Variants in USH2A observed in about 807,000 individuals in gnomAD.
The protein encoded by USH2A is Usher syndrome 2A (autosomal recessive, mild).
Under a neutral mutation model 538.9 loss-of-function variants are expected in USH2A, and 443 were observed. The observed-to-expected ratio is 0.82, with a 90% CI of 0.76 to 0.89. The LOEUF (loss-of-function observed/expected upper bound fraction) is 0.89, where lower values mean the gene tolerates loss of function less well. Among genes scored for constraint, USH2A ranks in the 40% least tolerant of loss-of-function variants. The pLI, the probability that USH2A is intolerant of heterozygous loss-of-function variation, is 0.00. For synonymous variants in USH2A, 2,413 were observed against 2,273.5 expected (o/e 1.06, Z -1.75); for missense variants, 6,633 against 6,324.8 (o/e 1.05, Z -1.65).
At chr1:215,804,062 G>A (rs1662419028) in intron 49 of USH2A, among the ~76,000 whole-genome samples, 1 of 152,130 alleles carries the variant, frequency 6.6e-6, no homozygotes. Flanking sequence ...AAATGGTGCT[G>A]GGAAAACTGG....
At chr1:216,086,011 G>T (rs1359885032) in intron 24 of USH2A, among the ~76,000 whole-genome samples, 4 of 151,992 alleles carry the variant, frequency 2.6e-5, no homozygotes, top group Non-Finnish European at 5.9e-5. Context: ...GGAGAGACTT[G>T]GGAGGCACCC....
At position 216,046,547 on chromosome 1, in the gene USH2A, G is replaced by T. The variant is rs1343610726; in HGVS notation, c.6209C>A (p.Ser2070Tyr). ...QPPVAKSLPS[S>Y]LLLSWNPPKK... ...GGGTGGGTTCCAGGAGAGCAGCAAA[G>T]AACTGGGAAGGGATTTGGCTACTGG... The change falls in exon 32 of 72, where the codon TCT (serine) becomes TAT (tyrosine). Residue 2070 changes from serine to tyrosine, a missense_variant. By Grantham distance (144) the Ser-to-Tyr change is moderately radical. Coordinates refer to ENST00000307340, the MANE Select transcript of USH2A (RefSeq NM_206933.4). 1 of 1,613,862 alleles carries T rather than the reference G, an allele frequency of 6.2e-7. No homozygotes were observed. The highest frequency in any genetic ancestry group is 8.5e-7 in the Non-Finnish European group (1 of 1,179,802).
At chr1:216,070,625 T>C (rs1393723843) in intron 29 of USH2A, among the ~76,000 whole-genome samples, 3 of 152,066 alleles carry the variant, frequency 2.0e-5, no homozygotes, top group Non-Finnish European at 2.9e-5. Flanking sequence ...GTTCAAGCAA[T>C]ATAATGATGT....
Position 215,846,007 on chromosome 1 carries a change from C to G in USH2A, c.8872G>C (p.Glu2958Gln). 6.4e-7 allele frequency: 1 copy of G among 1,568,390 alleles called. No homozygotes were observed. Among genetic ancestry groups the G allele is most frequent in the Non-Finnish European group, 8.7e-7 (1 of 1,150,018 alleles). Residue 2958 changes from glutamate (E) to glutamine (Q), a missense_variant, in exon 45 of 72, where the codon GAA (glutamate) becomes CAA (glutamine). Transcript: ENST00000307340. The part of the protein sequence containing the change: ...PTVQDLQGEV[E>Q]YYTLFWSSAT... ...GAACTCCAAAAAAGTGTGTAATATT[C>G]AACTTCACCTTGTAGGTCTTGAACA... is the stretch of plus-strand genomic sequence containing the variant.
At chr1:216,379,597 T>C (rs1300965713) in intron 3 of USH2A, among the ~76,000 whole-genome samples, 2 of 152,308 alleles carry the variant, frequency 1.3e-5, no homozygotes, top group East Asian at 3.9e-4. Flanking sequence ...AGTGTCTAAG[T>C]CATTTATACC....
At chr1:215,796,152 G>T (rs1662128092) in intron 50 of USH2A, among the ~76,000 whole-genome samples, 1 of 152,122 alleles carries the variant, frequency 6.6e-6, no homozygotes. Flanking sequence ...CATCTGAAAA[G>T]CTCTGCTGTA....
intron 44 of USH2A, among the ~76,000 whole-genome samples, chr1:215,857,803 T>G (rs2102431803): frequency 6.7e-6 from 1 of 148,300 alleles, no homozygotes; most frequent in South Asian, 2.2e-4. Context: ...ATCAGGTGGT[T>G]GGTTGATATC....
chr1:216,152,119 T>G (rs2033849267), intron 21 of USH2A, among the ~76,000 whole-genome samples: 2 of 152,010 alleles, frequency 1.3e-5, no homozygotes, highest in African/African-American at 4.8e-5. Flanking sequence ...CATCGTCCAT[T>G]CTCTCTCCAT....
chr1:215,967,905 C>T (rs984339933), intron 36 of USH2A, among the ~76,000 whole-genome samples: 4 of 152,038 alleles, frequency 2.6e-5, no homozygotes, highest in Non-Finnish European at 2.9e-5. Flanking sequence ...CCTTAAGAGT[C>T]CCTGGAGAAT....
intron 38 of USH2A, among the ~76,000 whole-genome samples, chr1:215,916,042 T>TG (rs1665944251): frequency 1.6e-5 from 1 of 63,250 alleles, no homozygotes; most frequent in Admixed American, 2.5e-4. Context: ...TGTTGTGGGG[T>TG]GGGGGGAGGG....
At chr1:215,920,346 T>A (rs899504678) in intron 38 of USH2A, among the ~76,000 whole-genome samples, 19 of 152,078 alleles carry the variant, frequency 1.2e-4, no homozygotes, top group Non-Finnish European at 1.5e-5. Flanking sequence ...CCACAACCAG[T>A]CTGCTGTTTC....
Position 216,418,695 on chromosome 1 carries a change from GA to G in USH2A, c.486-17del, listed in dbSNP as rs769376919. On this transcript the variant is annotated splice_polypyrimidine_tract_variant and intron_variant, in intron 2 of 71. Coordinates refer to ENST00000307340, the MANE Select transcript of USH2A (RefSeq NM_206933.4). Reference sequence around the variant, plus strand: ...TATAACACACCTTAGGAAGCAACCGGAAAAGAGAGAAAAGGTCAGCATCCAA... The same window carrying G: ...TATAACACACCTTAGGAAGCAACCGGAAAGAGAGAAAAGGTCAGCATCCAA... 1.4e-5 allele frequency: 22 copies of G among 1,612,432 alleles called. No homozygotes were observed. The East Asian group carries it at 2.9e-4, about 21-fold the overall frequency.
rs1020751548 is a variant in USH2A at position 215,639,208 on chromosome 1, T to C, written c.14999A>G (p.Asp5000Gly). The change falls in exon 69 of 72, where the codon GAC becomes GGC. Residue 5000 changes from aspartate (D) to glycine (G), a missense_variant. Physicochemically the swap from Asp to Gly is moderately conservative, Grantham distance 94. Coordinates refer to ENST00000307340, the MANE Select transcript of USH2A (RefSeq NM_206933.4). ...CAACGGCGTCTTAACACTTCCTTCG[T>C]CAGTCGTGCAGATGACCTGGAAAAA... is the stretch of plus-strand genomic sequence containing the variant. ...TFFFQVICTT[D>G]EGSVKTPLIQ... The C allele has an allele frequency of 1.2e-5, 20 of 1,614,118 alleles. No individual in the cohort carries two copies. Among genetic ancestry groups the C allele is most frequent in the Admixed American group, 6.7e-5 (4 of 60,024 alleles).
At chr1:216,185,730 C>G (rs981219177) in intron 20 of USH2A, among the ~76,000 whole-genome samples, 1 of 151,870 alleles carries the variant, frequency 6.6e-6, no homozygotes, top group Admixed American at 6.6e-5. Context: ...AATTGTTGAC[C>G]ATTCTAAAGA....
At chr1:216,091,340 G>A (rs539767122) in intron 22 of USH2A, among the ~76,000 whole-genome samples, 1 of 152,204 alleles carries the variant, frequency 6.6e-6, no homozygotes, top group East Asian at 1.9e-4. Flanking sequence ...GAATATTTAA[G>A]GGATAAACAT....
intron 64 of USH2A, among the ~76,000 whole-genome samples, chr1:215,668,067 C>T (rs570234779): frequency 2.0e-5 from 3 of 152,186 alleles, no homozygotes; most frequent in South Asian, 2.1e-4. Context: ...GTTTTTATTC[C>T]CTACAATCTA....
chr1:215,944,276 C>T (rs1245384601), intron 37 of USH2A, among the ~76,000 whole-genome samples: 6 of 152,106 alleles, frequency 3.9e-5, no homozygotes, highest in Admixed American at 6.6e-5. Context: ...ACTATATTGC[C>T]TGCAAAGTCT....
chr1:216,236,743 C>T (rs373028533), intron 13 of USH2A, among the ~76,000 whole-genome samples: 4 of 152,012 alleles, frequency 2.6e-5, no homozygotes, highest in Admixed American at 6.6e-5. Context: ...ATATAGTGCT[C>T]GTCACAGCAA....
intron 11 of USH2A, among the ~76,000 whole-genome samples, chr1:216,260,378 T>C (rs952972434): frequency 2.0e-5 from 3 of 152,068 alleles, no homozygotes; most frequent in Non-Finnish European, 4.4e-5. Flanking sequence ...TAATGAAACA[T>C]TGAGAGAAGT....
Sources: gnomAD v4.1 joint callset for allele counts (sites outside exome capture counted in the v4.1 genomes callset) on GRCh38, gnomAD v4.1.1 for gene constraint, MANE v1.5 for transcripts, NCBI Gene and HGNC (gene_info 2026-07-23, HGNC 2026-07-21) for gene names.